The following KCNMB2 variants were observed in gnomAD, a reference collection of about 807,000 sequenced individuals.
KCNMB2 encodes calcium-activated potassium channel subunit beta-2.
Under a neutral mutation model 24.5 loss-of-function variants are expected in KCNMB2, and 9 were observed. The observed-to-expected ratio is 0.37, with a 90% CI of 0.22 to 0.64. The LOEUF is 0.64. Among genes scored for constraint, KCNMB2 ranks in the 30% least tolerant of loss-of-function variants. The pLI is 0.63. For synonymous variants in KCNMB2, 109 were observed against 104.4 expected, an observed-to-expected ratio of 1.04 and a Z score of -0.27; for missense variants, 226 against 284.3, an observed-to-expected ratio of 0.79 and a Z score of 1.47.
At chr3:178,655,683 T>C (rs528754723) in intron 1 of KCNMB2, among the ~76,000 whole-genome samples, 1 of 152,002 alleles carries the variant, frequency 6.6e-6, no homozygotes, top group Non-Finnish European at 1.5e-5. Flanking sequence ...GTCTGAAGAG[T>C]GAGGTTTTCA....
intron 1 of KCNMB2, among the ~76,000 whole-genome samples, chr3:178,720,757 C>T (rs1359410981): frequency 2.9e-4 from 39 of 134,108 alleles, no homozygotes; most frequent in African/African-American, 7.3e-4. Flanking sequence ...TTTCATGTGT[C>T]TTTTGGCTGC....
At chr3:178,641,843 G>C (rs936572318) in intron 1 of KCNMB2, among the ~76,000 whole-genome samples, 1 of 151,944 alleles carries the variant, frequency 6.6e-6, no homozygotes, top group South Asian at 2.1e-4. Flanking sequence ...TTCCTAGTTT[G>C]TTGAGAGTTT....
At chr3:178,598,608 G>A (rs1372783260) in intron 1 of KCNMB2, among the ~76,000 whole-genome samples, 1 of 151,946 alleles carries the variant, frequency 6.6e-6, no homozygotes, top group African/African-American at 2.4e-5. Context: ...GAACCAGCAT[G>A]GAACTGGTGA....
chr3:178,751,045 T>C (rs1723828675), intron 1 of KCNMB2, among the ~76,000 whole-genome samples: 1 of 152,154 alleles, frequency 6.6e-6, no homozygotes, highest in Non-Finnish European at 1.5e-5. Flanking sequence ...GCACGACTAA[T>C]ATAGACAACT....
At chr3:178,583,719 C>G (rs1402507800) in intron 1 of KCNMB2, among the ~76,000 whole-genome samples, 3 of 152,064 alleles carry the variant, frequency 2.0e-5, no homozygotes, top group African/African-American at 7.2e-5. Flanking sequence ...GGGAATAATA[C>G]CTTACGCTCT....
At chr3:178,579,342 C>G (rs987383875) in intron 1 of KCNMB2, among the ~76,000 whole-genome samples, 1 of 152,038 alleles carries the variant, frequency 6.6e-6, no homozygotes, top group Non-Finnish European at 1.5e-5. Flanking sequence ...ACACAACATA[C>G]AAGAATCTCT....
At chr3:178,714,855 C>T (rs1485433130) in intron 1 of KCNMB2, among the ~76,000 whole-genome samples, 3 of 152,178 alleles carry the variant, frequency 2.0e-5, no homozygotes, top group Admixed American at 6.5e-5. Context: ...ATGGAAATCA[C>T]GGCTGCACCA....
At chr3:178,801,150 A>G (rs149220823) in intron 1 of KCNMB2, among the ~76,000 whole-genome samples, 6 of 152,272 alleles carry the variant, frequency 3.9e-5, no homozygotes, top group Admixed American at 3.9e-4. Flanking sequence ...ACAATAATTT[A>G]TTGCACATTT....
chr3:178,784,401 T>G (rs1713011591), intron 1 of KCNMB2, among the ~76,000 whole-genome samples: 1 of 152,134 alleles, frequency 6.6e-6, no homozygotes. Context: ...TGCTTCCTCT[T>G]TGTAAACTGG....
chr3:178,749,362 C>G (rs1269821344), intron 1 of KCNMB2: 1 of 152,218 alleles, frequency 6.6e-6, no homozygotes, highest in African/African-American at 2.4e-5. Context: ...TATCTCATTT[C>G]AACTGGTAAC....
intron 1 of KCNMB2, among the ~76,000 whole-genome samples, chr3:178,783,508 A>G (rs1055373323): frequency 1.7e-4 from 26 of 150,852 alleles, no homozygotes; most frequent in Admixed American, 1.5e-3. Flanking sequence ...GGTCCTTCAC[A>G]TCCCTTGTAA....
intron 1 of KCNMB2, among the ~76,000 whole-genome samples, chr3:178,772,354 G>T (rs898691118): frequency 1.3e-5 from 2 of 152,236 alleles, no homozygotes. Context: ...TTGTAATTCC[G>T]ATGTGTCATG....
intron 1 of KCNMB2, among the ~76,000 whole-genome samples, chr3:178,559,741 A>G (rs987438201): frequency 2.7e-5 from 4 of 149,804 alleles, no homozygotes; most frequent in Admixed American, 6.7e-5. Context: ...ACAGCAATTC[A>G]TGAATCTCTA....
chr3:178,781,119 GT>G (rs1209787757), intron 1 of KCNMB2, among the ~76,000 whole-genome samples: 1 of 151,830 alleles, frequency 6.6e-6, no homozygotes, highest in Non-Finnish European at 1.5e-5. Flanking sequence ...GGCATATTAG[GT>G]TAAATAAAAT....
At chr3:178,766,036 TG>T (rs916158756) in intron 1 of KCNMB2, among the ~76,000 whole-genome samples, 2 of 152,090 alleles carry the variant, frequency 1.3e-5, no homozygotes, top group African/African-American at 4.8e-5. Context: ...TATAACCAAA[TG>T]TTTTTCTACC....
chr3:178,541,526 CT>C (rs938663097), intron 1 of KCNMB2, among the ~76,000 whole-genome samples: 3 of 152,136 alleles, frequency 2.0e-5, no homozygotes, highest in African/African-American at 7.2e-5. Flanking sequence ...ATCTCATGGT[CT>C]GTTAAACAGT....
intron 1 of KCNMB2, among the ~76,000 whole-genome samples, chr3:178,597,125 C>T (rs531824863): frequency 2.4e-4 from 37 of 152,232 alleles, no homozygotes; most frequent in African/African-American, 8.7e-4. Context: ...CTGACTTAAA[C>T]AGGCATCATG....
rs71181241 is a variant in KCNMB2, at chr3:178,691,107, C to CTTTTTTTTTTTTTTTT, written c.-67-116231_-67-116216dup. 1.6e-4 allele frequency among the ~76,000 whole-genome samples: 13 copies of CTTTTTTTTTTTTTTTT among 79,734 alleles called. 4 individuals carry two copies. The highest frequency in any genetic ancestry group is 3.6e-4 in the East Asian group (1 of 2,780). 52.3% of individuals were successfully genotyped at this position (79,734 alleles called of 152,430 possible). A position where few individuals can be genotyped will look rare whatever the true frequency, so the allele number is the denominator to read the frequency against. On this transcript the variant is annotated intron_variant, in intron 1 of 4. Coordinates refer to ENST00000452583, the MANE Select transcript of KCNMB2 (RefSeq NM_181361.3). ...TGTACAGCATAATTCCCCATTAAGT[C>CTTTTTTTTTTTTTTTT]TTTTTTTTTTTTTTTTTTTTGATAG...
At chr3:178,693,628 T>C (rs1721763352) in intron 1 of KCNMB2, among the ~76,000 whole-genome samples, 1 of 152,228 alleles carries the variant, frequency 6.6e-6, no homozygotes, top group Admixed American at 6.5e-5. Context: ...AAGTTGTTGA[T>C]ATGCTGATGG....
Sources: allele counts gnomAD v4.1 joint callset (sites outside exome capture counted in the v4.1 genomes callset), GRCh38; gene constraint gnomAD v4.1.1; transcripts MANE v1.5; gene names NCBI Gene and HGNC (gene_info 2026-07-23, HGNC 2026-07-21).